DLG2: variants seen among roughly 807,000 people sequenced by gnomAD.
DLG2 encodes the protein disks large homolog 2.
A neutral mutation model predicts 132.5 loss-of-function variants in DLG2; 45 were observed. The observed-to-expected ratio is 0.34, with a 90% CI of 0.27 to 0.44. DLG2 has a LOEUF of 0.44. Ranked by LOEUF, DLG2 falls within the 20% of genes least tolerant of loss-of-function variation. DLG2 has a pLI of 1.00. For synonymous variants in DLG2, 424 were observed against 419.6 expected (o/e 1.01, Z -0.13); for missense variants, 1,045 against 1,196.9 (o/e 0.87, Z 1.87).
At chr11:84,316,976 C>G (rs1448437278) in intron 7 of DLG2, 1 of 1,612,808 alleles carries the variant, frequency 6.2e-7, no homozygotes, top group Admixed American at 1.7e-5. Flanking sequence ...AGCTGGGCCC[C>G]CTGGTCCTGA....
At chr11:85,472,586 C>G (rs550917227) in intron 3 of DLG2, among the ~76,000 whole-genome samples, 28 of 152,318 alleles carry the variant, frequency 1.8e-4, no homozygotes, top group African/African-American at 6.7e-4. Context: ...GCGTGAGCCA[C>G]CACACCCAGC....
At chr11:84,719,718 C>G (rs118067426) in intron 6 of DLG2, among the ~76,000 whole-genome samples, 1 of 152,094 alleles carries the variant, frequency 6.6e-6, no homozygotes, top group Non-Finnish European at 1.5e-5. Context: ...TGAGTAACTG[C>G]GCCACCTCTT....
Position 85,160,108 on chromosome 11 carries a change from C to T in DLG2, c.187-5457G>A, listed in dbSNP as rs1482902397. ...GTAAAAAATAAGTTGCTGAATTTGGCCCCTCCTACAACCAAGAAGGAGGCA... is the reference window on the plus strand; with the variant it reads ...GTAAAAAATAAGTTGCTGAATTTGGTCCCTCCTACAACCAAGAAGGAGGCA... On this transcript the variant is annotated intron_variant, in intron 4 of 27. Transcript: ENST00000376104. 2.0e-5 allele frequency among the ~76,000 whole-genome samples: 3 copies of T among 152,294 alleles called. No individual in the cohort carries two copies. The South Asian group carries it at 6.2e-4, about 32-fold the overall frequency.
At chr11:84,710,732 G>GA (rs1237535695) in intron 6 of DLG2, among the ~76,000 whole-genome samples, 3 of 150,868 alleles carry the variant, frequency 2.0e-5, no homozygotes, top group Non-Finnish European at 3.0e-5. Flanking sequence ...TAGGAATTTG[G>GA]AAAAAAACTT....
intron 17 of DLG2, among the ~76,000 whole-genome samples, chr11:83,814,204 G>A (rs1296083287): frequency 6.6e-6 from 1 of 152,088 alleles, no homozygotes. Flanking sequence ...TACAAGGCAA[G>A]TACTGGCACA....
At chr11:84,224,974 C>T (rs985715426) in intron 8 of DLG2, among the ~76,000 whole-genome samples, 20 of 152,292 alleles carry the variant, frequency 1.3e-4, no homozygotes, top group African/African-American at 4.1e-4. Flanking sequence ...AGATGATTTG[C>T]CTTTCCTGAA....
chr11:83,843,653 C>T (rs1422654603), intron 16 of DLG2, among the ~76,000 whole-genome samples: 1 of 151,824 alleles, frequency 6.6e-6, no homozygotes, highest in Admixed American at 6.6e-5. Flanking sequence ...ATACTGAGTT[C>T]TAGTTCTGGC....
chr11:84,656,038 T>G (rs1756243871), intron 6 of DLG2, among the ~76,000 whole-genome samples: 1 of 152,136 alleles, frequency 6.6e-6, no homozygotes, highest in Admixed American at 6.6e-5. Context: ...TTACCTTAGG[T>G]CAATTTTCAT....
chr11:85,490,998 A>G (rs1397753357), intron 3 of DLG2, among the ~76,000 whole-genome samples: 3 of 152,182 alleles, frequency 2.0e-5, no homozygotes, highest in Non-Finnish European at 4.4e-5. Context: ...AATATCCCTG[A>G]TGAATATATA....
chr11:84,769,647 T>C lies in DLG2; in HGVS notation c.358-234916A>G, dbSNP rs1230547513. 2.6e-5 allele frequency among the ~76,000 whole-genome samples: 4 copies of C among 152,202 alleles called. No homozygotes were observed. The South Asian group carries it at 6.2e-4, about 24-fold the overall frequency. ...CCTAGAGAACACCTGTAAGATACTATACAAAACAAACATCACCAAGGCATA... is the reference window on the plus strand; with the variant it reads ...CCTAGAGAACACCTGTAAGATACTACACAAAACAAACATCACCAAGGCATA... On this transcript the variant is annotated intron_variant, in intron 6 of 27. Transcript: ENST00000376104.
At chr11:84,989,187 T>C (rs1025046078) in intron 6 of DLG2, among the ~76,000 whole-genome samples, 10 of 152,180 alleles carry the variant, frequency 6.6e-5, no homozygotes, top group Admixed American at 2.6e-4. Flanking sequence ...AAAGAAGTTC[T>C]TTTTTTGAGA....
At chr11:85,404,364 G>A (rs901633847) in intron 3 of DLG2, among the ~76,000 whole-genome samples, 2 of 151,926 alleles carry the variant, frequency 1.3e-5, no homozygotes, top group Non-Finnish European at 2.9e-5. Context: ...GCCATCAAAA[G>A]AGAATTAAAA....
chr11:85,323,851 A>G (rs1423100213), intron 3 of DLG2, among the ~76,000 whole-genome samples: 1 of 152,258 alleles, frequency 6.6e-6, no homozygotes, highest in Non-Finnish European at 1.5e-5. Flanking sequence ...TTTATCGCTG[A>G]ATAATATTCC....
chr11:84,714,537 TTC>T lies in DLG2; in HGVS notation c.358-179808_358-179807del, dbSNP rs1298597747. Reference sequence around the variant, plus strand: ...CCCACAACCCATTTCCTCTTTCTCTTTCTCTTTCTCTTTCTCTCTCTTTCTCT... The same window carrying T: ...CCCACAACCCATTTCCTCTTTCTCTTTCTTTCTCTTTCTCTCTCTTTCTCT... On this transcript the variant is annotated intron_variant, in intron 6 of 27. Coordinates refer to ENST00000376104, the MANE Select transcript of DLG2 (RefSeq NM_001142699.3). Among the ~76,000 whole-genome samples the T allele has an allele frequency of 7.7e-3, 808 of 104,732 alleles. 22 individuals are homozygous for T. The highest frequency in any genetic ancestry group is 0.053 in the African/African-American group (742 of 14,098). 68.7% of individuals were successfully genotyped at this position (104,732 alleles called of 152,430 possible). A position where few individuals can be genotyped will look rare whatever the true frequency, so the allele number is the denominator to read the frequency against.
chr11:85,553,734 T>C (rs531170368), intron 3 of DLG2, among the ~76,000 whole-genome samples: 1 of 151,524 alleles, frequency 6.6e-6, no homozygotes, highest in African/African-American at 2.4e-5. Flanking sequence ...TCTCAACAAA[T>C]ACTAAATACC....
At chr11:84,499,375 T>G (rs1266908345) in intron 7 of DLG2, among the ~76,000 whole-genome samples, 1 of 152,176 alleles carries the variant, frequency 6.6e-6, no homozygotes, top group East Asian at 1.9e-4. Flanking sequence ...TAGCTCAAAT[T>G]TGCACAGGAC....
At chr11:84,188,295 A>C (rs1029398981) in intron 8 of DLG2, among the ~76,000 whole-genome samples, 2 of 152,128 alleles carry the variant, frequency 1.3e-5, no homozygotes, top group African/African-American at 4.8e-5. Flanking sequence ...GGAAACTAAC[A>C]ATTTGGAATT....
At chr11:84,608,465 T>A (rs1375179798) in intron 6 of DLG2, among the ~76,000 whole-genome samples, 1 of 152,132 alleles carries the variant, frequency 6.6e-6, no homozygotes, top group Non-Finnish European at 1.5e-5. Flanking sequence ...CGTGCTAAGA[T>A]TCGGTGAGAA....
At chr11:83,585,250 T>C (rs1358366716) in intron 19 of DLG2, among the ~76,000 whole-genome samples, 2 of 152,176 alleles carry the variant, frequency 1.3e-5, no homozygotes, top group African/African-American at 2.4e-5. Context: ...TTTAAAATAG[T>C]AGTGGTTAAG....
Sources: gnomAD v4.1 joint callset for allele counts (sites outside exome capture counted in the v4.1 genomes callset) on GRCh38, gnomAD v4.1.1 for gene constraint, MANE v1.5 for transcripts, NCBI Gene and HGNC (gene_info 2026-07-23, HGNC 2026-07-21) for gene names.